MPP4: variants seen among roughly 807,000 people sequenced by gnomAD.
MPP4 encodes MAGUK p55 subfamily member 4.
MPP4 carries 91 observed loss-of-function variants against 98.3 expected under a neutral mutation model. That is an observed-to-expected ratio of 0.93 (90% confidence interval 0.78 to 1.10). The LOEUF is 1.10. Among genes scored for constraint, MPP4 ranks in the 50% least tolerant of loss-of-function variants. MPP4 has a pLI of 0.00. For synonymous variants in MPP4, 261 were observed against 271.8 expected, an observed-to-expected ratio of 0.96 and a Z score of 0.39; for missense variants, 744 against 792.9, an observed-to-expected ratio of 0.94 and a Z score of 0.74.
At chr2:201,683,251 AGGAAATG>A in intron 7 of MPP4, among the ~76,000 whole-genome samples, 1 of 152,382 alleles carries the variant, frequency 6.6e-6, no homozygotes, top group East Asian at 1.9e-4. Flanking sequence ...AACAACAAAA[AGGAAATG>A]GGGTAGGTAT....
chr2:201,665,101 T>A (rs1688135117), intron 13 of MPP4: 1 of 148,956 alleles, frequency 6.7e-6, no homozygotes, highest in African/African-American at 2.5e-5. Flanking sequence ...AGTCTCGCTC[T>A]GTCGCCCAGG....
intron 18 of MPP4, chr2:201,651,944 C>G: frequency 1.2e-6 from 1 of 808,300 alleles, no homozygotes; most frequent in Non-Finnish European, 1.5e-6. Context: ...TGCAGTGAGA[C>G]TCCATCTCAA....
chr2:201,691,084 C>T (rs1290273274), intron 3 of MPP4, among the ~76,000 whole-genome samples: 2 of 152,196 alleles, frequency 1.3e-5, no homozygotes, highest in African/African-American at 4.8e-5. Context: ...TCAGGTTTAC[C>T]TGGAAGTGAT....
At chr2:201,676,912 A>G (rs1347452020) in intron 10 of MPP4, among the ~76,000 whole-genome samples, 2 of 152,142 alleles carry the variant, frequency 1.3e-5, no homozygotes, top group Non-Finnish European at 2.9e-5. Flanking sequence ...AAATAAAAAC[A>G]TTTAAAAAGT....
At chr2:201,668,241 A>G (rs1220392386) in intron 12 of MPP4, among the ~76,000 whole-genome samples, 1 of 152,150 alleles carries the variant, frequency 6.6e-6, no homozygotes, top group African/African-American at 2.4e-5. Context: ...CAATGATTCC[A>G]CATTATCAGC....
intron 16 of MPP4, 75 bp downstream of exon 16, chr2:201,658,402 T>G (rs1040152595): frequency 4.1e-5 from 54 of 1,310,320 alleles, no homozygotes; most frequent in Admixed American, 2.9e-4. Context: ...AAAAGAAACT[T>G]TCAAAACAGT....
chr2:201,696,487 A>G (rs1247853327), intron 1 of MPP4, among the ~76,000 whole-genome samples: 1 of 152,180 alleles, frequency 6.6e-6, no homozygotes, highest in Non-Finnish European at 1.5e-5. Context: ...AGCACCTCAC[A>G]AATCACACGT....
At chr2:201,648,459 A>C (rs1377937982) in intron 20 of MPP4, among the ~76,000 whole-genome samples, 2 of 152,242 alleles carry the variant, frequency 1.3e-5, no homozygotes, top group Non-Finnish European at 2.9e-5. Flanking sequence ...AAACAAATGA[A>C]CATTTTAAAA....
At chr2:201,698,281 T>C (rs1435267864) in intron 1 of MPP4, among the ~76,000 whole-genome samples, 2 of 152,196 alleles carry the variant, frequency 1.3e-5, no homozygotes, top group Admixed American at 1.3e-4. Flanking sequence ...TGATGAGAAA[T>C]GGCCCTTACA....
At chr2:201,678,172 C>T (rs142591959) in intron 10 of MPP4, among the ~76,000 whole-genome samples, 4 of 152,146 alleles carry the variant, frequency 2.6e-5, no homozygotes, top group African/African-American at 9.7e-5. Context: ...GTGTGCCCCC[C>T]CAAGAAACCC....
Position 201,649,655 on chromosome 2 carries a change from T to C in MPP4, c.1505A>G (p.His502Arg), listed in dbSNP as rs781215566. ...RMLEYGEYKG[H>R]LYGTSVDAVQ... ...AGCATCCACACTAGTGCCATACAGGTGGCCTTTGTACTCACCATACTCCAG... is the reference window on the plus strand; with the variant it reads ...AGCATCCACACTAGTGCCATACAGGCGGCCTTTGTACTCACCATACTCCAG... The change falls in exon 20 of 22, where the codon CAC (histidine) becomes CGC (arginine). Residue 502 changes from histidine to arginine, a missense_variant. His to Arg is a conservative substitution (Grantham distance 29). Transcript: ENST00000409474. 1.2e-6 allele frequency: 2 copies of C among 1,610,820 alleles called. No individual in the cohort carries two copies. Among genetic ancestry groups the C allele is most frequent in the East Asian group, 4.5e-5 (2 of 44,862 alleles).
intron 14 of MPP4, chr2:201,662,116 C>T (rs1299049794): frequency 2.8e-6 from 1 of 358,668 alleles, no homozygotes; most frequent in African/African-American, 2.2e-5. Context: ...AGCCATCTCT[C>T]TACTTTTATG....
rs1267161289 is a variant in MPP4 at position 201,685,249 on chromosome 2, GGT to G, written c.493-106_493-105del. On this transcript the variant is annotated intron_variant, in intron 6 of 21. Transcript: ENST00000409474. ...CTGGTCTTTCAATCAATGCAGCTCT[GGT>G]CTTTCAATCAATGCAGCTCTGGTCT... 5 of 135,472 alleles carry G rather than the reference GGT, an allele frequency of 3.7e-5. No homozygotes were observed. The African/African-American group carries it at 9.5e-4, about 26-fold the overall frequency. 8.4% of individuals were successfully genotyped at this position (135,472 alleles called of 1,614,324 possible).
intron 1 of MPP4, among the ~76,000 whole-genome samples, chr2:201,696,387 G>C (rs72613730): frequency 6.6e-6 from 1 of 152,118 alleles, no homozygotes; most frequent in Non-Finnish European, 1.5e-5. Context: ...ATTGAAAAGG[G>C]AGATGGAGTG....
intron 3 of MPP4, among the ~76,000 whole-genome samples, chr2:201,692,582 C>T (rs566690575): frequency 6.6e-5 from 10 of 150,704 alleles, no homozygotes; most frequent in Non-Finnish European, 1.2e-4. Context: ...CTTTGGGAGC[C>T]GATAGGTCAT....
chr2:201,694,868 C>T (rs1449626228), intron 1 of MPP4, among the ~76,000 whole-genome samples: 4 of 152,038 alleles, frequency 2.6e-5, no homozygotes, highest in Non-Finnish European at 4.4e-5. Flanking sequence ...CCCACCTTGG[C>T]TTCTCTAAGC....
At chr2:201,695,533 G>A (rs1199315104) in intron 1 of MPP4, among the ~76,000 whole-genome samples, 1 of 152,162 alleles carries the variant, frequency 6.6e-6, no homozygotes, top group Non-Finnish European at 1.5e-5. Flanking sequence ...CAGGGAAGGT[G>A]AAAAAGCCAG....
At position 201,647,850 on chromosome 2, in the gene MPP4, T is replaced by C. The variant is rs1055821307; in HGVS notation, c.1585-25A>G. The C allele has an allele frequency of 3.8e-6, 6 of 1,581,020 alleles. No homozygotes were observed. The African/African-American group carries it at 8.1e-5, about 21-fold the overall frequency. ...CCTACACAGAAAATTTAAATGCACATTTATTTTTTGTTTGTTTTGTTTTGA... is the reference window on the plus strand; with the variant it reads ...CCTACACAGAAAATTTAAATGCACACTTATTTTTTGTTTGTTTTGTTTTGA... On this transcript the variant is annotated intron_variant, in intron 20 of 21. Transcript: ENST00000409474.
chr2:201,687,294 G>A lies in MPP4; in HGVS notation c.357C>T (p.Phe119=), dbSNP rs1335497636. 1.3e-6 allele frequency: 2 copies of A among 1,573,676 alleles called. No individual in the cohort carries two copies. Among genetic ancestry groups the A allele is most frequent in the Non-Finnish European group, 1.7e-6 (2 of 1,157,646 alleles). Residue 119 remains phenylalanine, a synonymous_variant, in exon 5 of 22, where the codon TTC becomes TTT. Coordinates refer to ENST00000409474, the MANE Select transcript of MPP4 (RefSeq NM_033066.3). ...TTCTATTTTAGCAGGCACTTGCCTT[G>A]AAGTGTGGAGCCTGGAGCATTTGTC... ...ELRQMLQAPH[F]KALLSAHDTI...
Sources: allele counts gnomAD v4.1 joint callset (sites outside exome capture counted in the v4.1 genomes callset), GRCh38; gene constraint gnomAD v4.1.1; transcripts MANE v1.5; gene names NCBI Gene and HGNC (gene_info 2026-07-23, HGNC 2026-07-21).